ATAD1: variants seen among roughly 807,000 people sequenced by gnomAD.
The protein encoded by ATAD1 is outer mitochondrial transmembrane helix translocase.
Under a neutral mutation model 42.7 loss-of-function variants are expected in ATAD1, and 18 were observed. That is an observed-to-expected ratio of 0.42 (90% CI 0.29 to 0.63). The LOEUF (loss-of-function observed/expected upper bound fraction) is 0.63. ATAD1 is among the 20% of genes least tolerant of loss of function. The probability of loss-of-function intolerance (pLI) is 0.19; values close to 1 mark genes in which losing one functional copy is unlikely to be tolerated. For synonymous variants in ATAD1, 132 were observed against 143.1 expected (o/e 0.92, Z 0.55); for missense variants, 294 against 440.4 (o/e 0.67, Z 2.98).
chr10:87,783,373 A>T (rs1472568023), intron 5 of ATAD1, among the ~76,000 whole-genome samples: 1 of 151,912 alleles, frequency 6.6e-6, no homozygotes, highest in African/African-American at 2.4e-5. Flanking sequence ...TGCTGTCTTA[A>T]AAAAAAACAA....
chr10:87,768,190 T>C (rs180944066), intron 7 of ATAD1, among the ~76,000 whole-genome samples: 3 of 152,320 alleles, frequency 2.0e-5, no homozygotes, highest in Admixed American at 2.0e-4. Flanking sequence ...TTTAATTTAG[T>C]GCTGATGATA....
In ATAD1 at chr10:87,798,625, G is replaced by GGTGTGTGTGTGTGT. The variant is rs71022506; in HGVS notation, c.163-5884_163-5871dup. On this transcript the variant is annotated intron_variant, in intron 2 of 9. Transcript: ENST00000680024. ...AAGTTCCAAAGTAAAAGCTATAGGG[G>GGTGTGTGTGTGTGT]GTGTGTGTGTGTGTGTGTGTGTGTG... Among the ~76,000 whole-genome samples the GGTGTGTGTGTGTGT allele has an allele frequency of 1.1e-3, 134 of 124,918 alleles. 1 individual carries two copies. Among genetic ancestry groups the GGTGTGTGTGTGTGT allele is most frequent in the Middle Eastern group, 4.1e-3 (1 of 246 alleles). The allele number at this position is 124,918 out of a possible 152,430, so 82.0% of individuals were successfully genotyped here.
In ATAD1 at chr10:87,767,702, T is replaced by C. The variant is rs368259891; in HGVS notation, c.802A>G (p.Ile268Val). The C allele has an allele frequency of 6.2e-7, 1 of 1,611,272 alleles. No homozygotes were observed. Among genetic ancestry groups the C allele is most frequent in the Non-Finnish European group, 8.5e-7 (1 of 1,179,138 alleles). ...NQPALKQREA[I>V]LKLILKNENV... is the part of the protein sequence containing the mutation. ...TCATTTTTCAAGATGAGTTTCAGGATTGCTTCTCTCTGTTTTAAAGCCTAA... is the reference window on the plus strand; with the variant it reads ...TCATTTTTCAAGATGAGTTTCAGGACTGCTTCTCTCTGTTTTAAAGCCTAA... Residue 268 changes from isoleucine to valine, a missense_variant, in exon 8 of 10, where the codon ATC becomes GTC. By Grantham distance (29) the Ile-to-Val change is conservative. Transcript: ENST00000680024.
chr10:87,753,038 C>G lies in ATAD1; in HGVS notation c.*1649G>C, dbSNP rs1331938746. ...TCCATAGCAAGATAAAGTCTAAACA[C>G]AAGTTTTATAAACCAAAAAAAATCC... On this transcript the variant is annotated 3_prime_UTR_variant, in exon 10 of 10. Transcript: ENST00000680024. 1.3e-5 allele frequency: 2 copies of G among 151,916 alleles called. No homozygotes were observed. Among genetic ancestry groups the G allele is most frequent in the Non-Finnish European group, 2.9e-5 (2 of 67,954 alleles). The allele number at this position is 151,916 out of a possible 1,614,324, so 9.4% of individuals were successfully genotyped here.
intron 8 of ATAD1, among the ~76,000 whole-genome samples, chr10:87,761,066 G>A (rs961806086): frequency 1.3e-5 from 2 of 150,810 alleles, no homozygotes; most frequent in East Asian, 1.9e-4. Flanking sequence ...GGAAGTTCAT[G>A]TGAATTTAAA....
intron 1 of ATAD1, among the ~76,000 whole-genome samples, chr10:87,834,362 T>C (rs1857892020): frequency 6.6e-6 from 1 of 152,184 alleles, no homozygotes; most frequent in East Asian, 1.9e-4. Context: ...GTAGAATTGG[T>C]ATTAATTCAC....
intron 6 of ATAD1, among the ~76,000 whole-genome samples, chr10:87,772,911 A>C (rs1228685453): frequency 6.6e-6 from 1 of 152,114 alleles, no homozygotes; most frequent in Non-Finnish European, 1.5e-5. Context: ...CTACTTAAGA[A>C]ACAAAATCAA....
intron 4 of ATAD1, among the ~76,000 whole-genome samples, chr10:87,786,252 T>G (rs1439508985): frequency 6.6e-6 from 1 of 152,232 alleles, no homozygotes; most frequent in Admixed American, 6.5e-5. Context: ...ACTTGGTACT[T>G]TCTTAAAAAC....
intron 2 of ATAD1, among the ~76,000 whole-genome samples, chr10:87,809,759 C>T (rs1374008576): frequency 6.6e-6 from 1 of 151,816 alleles, no homozygotes; most frequent in Non-Finnish European, 1.5e-5. Context: ...TGGATTCAAG[C>T]GATTCTCCTC....
chr10:87,771,091 T>C, intron 6 of ATAD1, 50 bp from the exon 7 acceptor site: 1 of 1,397,564 alleles, frequency 7.2e-7, no homozygotes, highest in South Asian at 1.2e-5. Context: ...ATTATACTCC[T>C]CTGAGAATGT....
At position 87,796,050 on chromosome 10, in the gene ATAD1, AGTAT is replaced by A. The variant is rs761905349; in HGVS notation, c.163-3299_163-3296del. Among the ~76,000 whole-genome samples, 14 of 152,246 alleles carry A rather than the reference AGTAT, an allele frequency of 9.2e-5. No homozygotes were observed. In the South Asian group the frequency reaches 2.7e-3, roughly 29 times the overall value. On this transcript the variant is annotated intron_variant, in intron 2 of 9. Coordinates refer to ENST00000680024, the MANE Select transcript of ATAD1 (RefSeq NM_001321967.2). The stretch of plus-strand genomic sequence containing the variant: ...TAAAAGGGAACTAACAAGGATTCTG[AGTAT>A]GTAAGTATCTTTATATAATAGATAT...
chr10:87,762,468 CTT>C (rs796462922), intron 8 of ATAD1, among the ~76,000 whole-genome samples: 2 of 144,758 alleles, frequency 1.4e-5, no homozygotes, highest in Admixed American at 6.9e-5. Context: ...TACAACTACA[CTT>C]TTTTTTTTTT....
rs766038101 is a variant in ATAD1 at position 87,752,930 on chromosome 10, C to G, written c.*1757G>C. On this transcript the variant is annotated 3_prime_UTR_variant, in exon 10 of 10. Transcript: ENST00000680024. ...CTCCTTATTTTCGATTAATATGTCA[C>G]CAGATTAAAATTAAATTACTGAAAT... 2.0e-5 allele frequency: 3 copies of G among 151,882 alleles called. No individual in the cohort carries two copies. Among genetic ancestry groups the G allele is most frequent in the Non-Finnish European group, 1.5e-5 (1 of 67,974 alleles). 9.4% of individuals were successfully genotyped at this position (151,882 alleles called of 1,614,324 possible).
rs565236027 is a variant in ATAD1, at chr10:87,752,279, C to A, written c.*2408G>T. On this transcript the variant is annotated 3_prime_UTR_variant, in exon 10 of 10. Transcript: ENST00000680024. ...TTTAGAGAAACATGGCATAAATGAT[C>A]CTTTCAGTCTCAATCCCTGGAGTAC... 2.6e-5 allele frequency: 4 copies of A among 152,248 alleles called. No homozygotes were observed. The highest frequency in any genetic ancestry group is 1.5e-5 in the Non-Finnish European group (1 of 68,010). 9.4% of individuals were successfully genotyped at this position (152,248 alleles called of 1,614,324 possible).
chr10:87,828,713 G>A (rs1049247115), intron 1 of ATAD1, among the ~76,000 whole-genome samples: 14 of 152,158 alleles, frequency 9.2e-5, no homozygotes, highest in Admixed American at 8.5e-4. Flanking sequence ...AAGACAAGTC[G>A]ATGCCTGGCT....
chr10:87,772,955 A>T (rs986940518), intron 6 of ATAD1, among the ~76,000 whole-genome samples: 4 of 152,170 alleles, frequency 2.6e-5, no homozygotes, highest in Admixed American at 6.5e-5. Flanking sequence ...TCAAACTTTT[A>T]AAAAAATCTT....
In ATAD1 at chr10:87,770,898, A is replaced by G. The variant is rs1854998448; in HGVS notation, c.780+54T>C. On this transcript the variant is annotated intron_variant, in intron 7 of 9. Coordinates refer to ENST00000680024, the MANE Select transcript of ATAD1 (RefSeq NM_001321967.2). ...TCCCTTCTTAAAATTAAAGGTGAAGACCTATAAAAAGGTGAGTATTTAACT... is the reference window on the plus strand; with the variant it reads ...TCCCTTCTTAAAATTAAAGGTGAAGGCCTATAAAAAGGTGAGTATTTAACT... 4 of 1,475,606 alleles carry G rather than the reference A, an allele frequency of 2.7e-6. No homozygotes were observed. The East Asian group carries it at 6.9e-5, about 25-fold the overall frequency. 91.4% of individuals were successfully genotyped at this position (1,475,606 alleles called of 1,614,324 possible).
At chr10:87,758,033 C>T (rs1231183624) in intron 8 of ATAD1, among the ~76,000 whole-genome samples, 1 of 152,064 alleles carries the variant, frequency 6.6e-6, no homozygotes, top group African/African-American at 2.4e-5. Context: ...ATGGTAAATA[C>T]ATGGATAAAT....
intron 8 of ATAD1, among the ~76,000 whole-genome samples, chr10:87,767,393 A>G (rs539200337): frequency 5.9e-5 from 9 of 152,286 alleles, no homozygotes; most frequent in East Asian, 1.9e-4. Context: ...ATAAGAAGCG[A>G]GCAACCCCCC....
Sources: allele counts gnomAD v4.1 joint callset (sites outside exome capture counted in the v4.1 genomes callset), GRCh38; gene constraint gnomAD v4.1.1; transcripts MANE v1.5; gene names NCBI Gene and HGNC (gene_info 2026-07-23, HGNC 2026-07-21).